The following LIN54 variants were observed in gnomAD, a reference collection of about 807,000 sequenced individuals.
The protein encoded by LIN54 is lin-54 DREAM MuvB core complex component, also known as protein lin-54 homolog.
A neutral mutation model predicts 78.7 loss-of-function variants in LIN54; 9 were observed. The ratio of observed to expected loss-of-function variants is 0.11; its 90% CI spans 0.07 to 0.20. The LOEUF is 0.20. Among genes scored for constraint, LIN54 ranks in the 10% least tolerant of loss-of-function variants. The pLI, the probability that LIN54 is intolerant of heterozygous loss-of-function variation, is 1.00. For synonymous variants in LIN54, 269 were observed against 318.4 expected (o/e 0.84, Z 1.65); for missense variants, 573 against 889.9 (o/e 0.64, Z 4.53).
At chr4:82,997,926 A>T (rs1728354027) in intron 1 of LIN54, among the ~76,000 whole-genome samples, 1 of 150,548 alleles carries the variant, frequency 6.6e-6, no homozygotes, top group South Asian at 2.1e-4. Context: ...CTCAGGAGGC[A>T]GAGGTTGCAG....
At position 83,010,464 on chromosome 4, in the gene LIN54, G is replaced by A; in HGVS notation, c.-33+20C>T. 1 of 1,057,544 alleles carries A rather than the reference G, an allele frequency of 9.5e-7. No individual in the cohort carries two copies. The highest frequency in any genetic ancestry group is 1.1e-6 in the Non-Finnish European group (1 of 877,050). 65.5% of individuals were successfully genotyped at this position (1,057,544 alleles called of 1,614,324 possible). ...AGATCTCCGGACAGAGAAGCCCTCG[G>A]GTACCCCATCCTCCTCTACCTCCAG... On this transcript the variant is annotated intron_variant, in intron 1 of 12. Transcript: ENST00000340417.
intron 11 of LIN54, among the ~76,000 whole-genome samples, chr4:82,931,851 C>T (rs185500298): frequency 6.6e-6 from 1 of 152,220 alleles, no homozygotes; most frequent in East Asian, 1.9e-4. Context: ...GGAATCCCTC[C>T]AAAGTCATCT....
At chr4:82,961,941 G>A (rs567159441) in intron 4 of LIN54, among the ~76,000 whole-genome samples, 3 of 145,128 alleles carry the variant, frequency 2.1e-5, no homozygotes, top group African/African-American at 5.2e-5. Context: ...GGGCAACAGA[G>A]TGAGACTCTG....
chr4:82,991,602 A>C (rs1727715147), intron 1 of LIN54, among the ~76,000 whole-genome samples: 1 of 152,192 alleles, frequency 6.6e-6, no homozygotes, highest in African/African-American at 2.4e-5. Context: ...CCCTGTTCCT[A>C]ATCTTATCTG....
intron 12 of LIN54, among the ~76,000 whole-genome samples, chr4:82,930,391 A>G (rs541961063): frequency 2.1e-4 from 32 of 152,328 alleles, no homozygotes; most frequent in African/African-American, 7.7e-4. Flanking sequence ...GGTATAGGCT[A>G]TTTTAAGGAT....
At chr4:82,960,555 T>C (rs1254491519) in intron 4 of LIN54, among the ~76,000 whole-genome samples, 3 of 151,956 alleles carry the variant, frequency 2.0e-5, no homozygotes, top group Non-Finnish European at 4.4e-5. Context: ...TGCTTCAGCC[T>C]CCCGAGTAGC....
chr4:82,951,801 C>G (rs1054594607), intron 4 of LIN54, among the ~76,000 whole-genome samples: 5 of 151,626 alleles, frequency 3.3e-5, no homozygotes, highest in Non-Finnish European at 5.9e-5. Context: ...GAATAGAGAG[C>G]CCTAAGGAAA....
chr4:82,942,833 CATGCACAAATGT>C (rs1723016933), intron 5 of LIN54, among the ~76,000 whole-genome samples: 1 of 151,420 alleles, frequency 6.6e-6, no homozygotes, highest in African/African-American at 2.4e-5. Context: ...TCCTCATACA[CATGCACAAATGT>C]GTGCGTGTGC....
rs967988085 is a variant in LIN54 at position 82,998,551 on chromosome 4, A to AAAGG, written c.-33+11929_-33+11932dup. ...ACTCCGTCAGAGAAAGAAAAGAAAGAAAGGAAGGAAGAGAGGGAGGGAAAG... is the reference window on the plus strand; with the variant it reads ...ACTCCGTCAGAGAAAGAAAAGAAAGAAAGGAAGGAAGGAAGAGAGGGAGGGAAAG... On this transcript the variant is annotated intron_variant, in intron 1 of 12. Coordinates refer to ENST00000340417, the MANE Select transcript of LIN54 (RefSeq NM_194282.4). Among the ~76,000 whole-genome samples the AAAGG allele has an allele frequency of 9.3e-5, 14 of 150,574 alleles. No individual in the cohort carries two copies. The South Asian group carries it at 1.7e-3, about 18-fold the overall frequency.
At chr4:82,962,729 A>C (rs1441898308) in intron 4 of LIN54, among the ~76,000 whole-genome samples, 1 of 152,068 alleles carries the variant, frequency 6.6e-6, no homozygotes, top group South Asian at 2.1e-4. Context: ...TGTAGACTCC[A>C]AACAACTGAG....
intron 1 of LIN54, among the ~76,000 whole-genome samples, chr4:82,986,884 A>T (rs1727195466): frequency 6.6e-6 from 1 of 152,212 alleles, no homozygotes. Context: ...AATGGGAATC[A>T]TCATTATCCC....
chr4:83,010,214 G>C (rs908382191), intron 1 of LIN54, among the ~76,000 whole-genome samples: 2 of 152,174 alleles, frequency 1.3e-5, no homozygotes, highest in Non-Finnish European at 2.9e-5. Context: ...ACACCCGCCA[G>C]AGTGGCTGTT....
chr4:82,984,054 G>C, intron 2 of LIN54, 107 bp downstream of exon 2: 1 of 750,104 alleles, frequency 1.3e-6, no homozygotes, highest in South Asian at 1.9e-5. Flanking sequence ...ACATTCAAAA[G>C]AATTCAGTAA....
At chr4:82,973,648 A>G (rs912690022) in intron 3 of LIN54, among the ~76,000 whole-genome samples, 25 of 152,352 alleles carry the variant, frequency 1.6e-4, no homozygotes, top group African/African-American at 5.0e-4. Context: ...GCTTGCTCCC[A>G]TGAAGCAACC....
intron 1 of LIN54, among the ~76,000 whole-genome samples, chr4:82,995,313 A>ATTAAT (rs1230469618): frequency 6.6e-6 from 1 of 151,422 alleles, no homozygotes; most frequent in Non-Finnish European, 1.5e-5. Flanking sequence ...GGGGAAAAAA[A>ATTAAT]TTAATTTAAT....
At chr4:82,963,583 AAC>A (rs1185484342) in intron 4 of LIN54, among the ~76,000 whole-genome samples, 1 of 152,184 alleles carries the variant, frequency 6.6e-6, no homozygotes, top group Non-Finnish European at 1.5e-5. Context: ...AGAAATCGGA[AAC>A]ACTCTATTGT....
intron 1 of LIN54, among the ~76,000 whole-genome samples, chr4:83,005,057 G>A (rs1729230268): frequency 6.6e-6 from 1 of 151,856 alleles, no homozygotes; most frequent in Admixed American, 6.6e-5. Context: ...ACCATGCCCG[G>A]TTCATGTTTG....
At chr4:82,988,153 G>GT (rs968062880) in intron 1 of LIN54, among the ~76,000 whole-genome samples, 10 of 151,890 alleles carry the variant, frequency 6.6e-5, no homozygotes, top group South Asian at 2.1e-4. Flanking sequence ...TTTTTTTCAT[G>GT]TTTTTTTGGC....
chr4:82,999,774 T>C (rs1728579532), intron 1 of LIN54, among the ~76,000 whole-genome samples: 1 of 11,714 alleles, frequency 8.5e-5, no homozygotes, highest in Non-Finnish European at 1.8e-4. Context: ...CGAGACTCTG[T>C]CTCAAAAAAA....
Sources: gnomAD v4.1 joint callset for allele counts (sites outside exome capture counted in the v4.1 genomes callset) on GRCh38, gnomAD v4.1.1 for gene constraint, MANE v1.5 for transcripts, NCBI Gene and HGNC (gene_info 2026-07-23, HGNC 2026-07-21) for gene names.